The following SPAG17 variants were observed in gnomAD, a reference collection of about 807,000 sequenced individuals.
The protein encoded by SPAG17 is sperm associated antigen 17, also known as sperm-associated antigen 17.
In SPAG17, 169 loss-of-function variants were observed where a neutral mutation model predicts 273.6. The observed-to-expected ratio is 0.62, with a 90% confidence interval of 0.55 to 0.70. SPAG17 has a LOEUF of 0.70. SPAG17 is among the 30% of genes least tolerant of loss of function. The pLI is 0.00. For synonymous variants in SPAG17, 825 were observed against 873.2 expected, an observed-to-expected ratio of 0.94 and a Z score of 0.97; for missense variants, 2,557 against 2,627.8, an observed-to-expected ratio of 0.97 and a Z score of 0.59.
At chr1:118,076,949 G>A (rs1350945408) in intron 15 of SPAG17, among the ~76,000 whole-genome samples, 9 of 151,810 alleles carry the variant, frequency 5.9e-5, no homozygotes, top group East Asian at 5.8e-4. Flanking sequence ...TCTAAACCTC[G>A]CGGTTATCAA....
Position 117,981,246 on chromosome 1 carries a change from A to G in SPAG17, c.6004+24T>C, listed in dbSNP as rs140746272. 1.2e-3 allele frequency: 1,841 copies of G among 1,545,488 alleles called. 31 individuals are homozygous for G. In the East Asian group the frequency reaches 0.026, roughly 22 times the overall value. ...ACATAATGTTCAGTTTCAAGAAGCA[A>G]TAAGATAAAAAAGACTGCCATACCT... On this transcript the variant is annotated intron_variant, in intron 43 of 48. Coordinates refer to ENST00000336338, the MANE Select transcript of SPAG17 (RefSeq NM_206996.4).
chr1:118,168,763 TG>T (rs913243952), intron 1 of SPAG17, among the ~76,000 whole-genome samples: 7 of 151,050 alleles, frequency 4.6e-5, no homozygotes, highest in African/African-American at 1.4e-4. Context: ...AAAGCAGGGA[TG>T]TCAGTGAGGG....
At chr1:118,016,521 T>C (rs1353147878) in intron 28 of SPAG17, among the ~76,000 whole-genome samples, 2 of 152,176 alleles carry the variant, frequency 1.3e-5, no homozygotes, top group African/African-American at 4.8e-5. Context: ...ATTTTGGGTT[T>C]TGTATTCTGG....
At chr1:117,990,527 C>T (rs1656960887) in intron 38 of SPAG17, among the ~76,000 whole-genome samples, 1 of 152,136 alleles carries the variant, frequency 6.6e-6, no homozygotes. Flanking sequence ...TGTGGGAGGG[C>T]AGGCTGTTGG....
intron 24 of SPAG17, among the ~76,000 whole-genome samples, chr1:118,035,979 G>A (rs944403221): frequency 2.0e-5 from 3 of 152,164 alleles, no homozygotes; most frequent in Admixed American, 6.5e-5. Context: ...GATCACTTGA[G>A]CACAGGAGTT....
At chr1:118,182,231 C>T (rs1248084529) in intron 1 of SPAG17, among the ~76,000 whole-genome samples, 2 of 151,982 alleles carry the variant, frequency 1.3e-5, no homozygotes, top group Non-Finnish European at 2.9e-5. Context: ...CATGAAGTAC[C>T]TAAAGTAGTC....
chr1:118,064,388 A>G (rs1652712933), intron 18 of SPAG17, among the ~76,000 whole-genome samples: 1 of 151,632 alleles, frequency 6.6e-6, no homozygotes, highest in Non-Finnish European at 1.5e-5. Flanking sequence ...CATATACACC[A>G]TGGAATACTA....
At chr1:118,056,014 T>TATTAA (rs1436090663) in intron 18 of SPAG17, 100 bp from the exon 19 acceptor site, 12 of 941,236 alleles carry the variant, frequency 1.3e-5, no homozygotes, top group Non-Finnish European at 1.9e-5. Flanking sequence ...ATGTCAAAAA[T>TATTAA]ATAATGAGTT....
chr1:118,115,250 C>T (rs1657004618), intron 4 of SPAG17, 60 bp downstream of exon 4: 2 of 1,589,536 alleles, frequency 1.3e-6, no homozygotes, highest in Non-Finnish European at 1.7e-6. Context: ...CCTGGAGAAA[C>T]CTGGCTCCAT....
intron 1 of SPAG17, among the ~76,000 whole-genome samples, chr1:118,161,042 G>A (rs1390824458): frequency 6.6e-6 from 1 of 152,208 alleles, no homozygotes; most frequent in East Asian, 1.9e-4. Context: ...TAGTCGTGCA[G>A]CTCAACAAGC....
At position 118,023,403 on chromosome 1, in the gene SPAG17, AAGG is replaced by A. The variant is rs1232046461; in HGVS notation, c.3967_3969del (p.Pro1323del). On this transcript the variant is annotated inframe_deletion, in exon 28 of 49. Transcript: ENST00000336338. Reference sequence around the variant, plus strand: ...CTGTGAGGCGTTGCTGGCATTTCAGAAGGAGGACAAATAAGACCTGAATTGGGA... The same window carrying A: ...CTGTGAGGCGTTGCTGGCATTTCAGAAGGACAAATAAGACCTGAATTGGGA... 5.0e-6 allele frequency: 8 copies of A among 1,612,396 alleles called. No homozygotes were observed. Among genetic ancestry groups the A allele is most frequent in the Admixed American group, 1.7e-5 (1 of 59,908 alleles).
intron 10 of SPAG17, among the ~76,000 whole-genome samples, chr1:118,088,738 T>C (rs1338572075): frequency 1.3e-5 from 2 of 152,042 alleles, no homozygotes; most frequent in Non-Finnish European, 2.9e-5. Context: ...AAAACTTCAA[T>C]AGCAGACTGG....
intron 25 of SPAG17, among the ~76,000 whole-genome samples, chr1:118,031,169 G>A (rs1490740520): frequency 2.7e-5 from 4 of 147,684 alleles, no homozygotes; most frequent in African/African-American, 1.0e-4. Context: ...GGTAATAGGA[G>A]GACTACTCTT....
intron 5 of SPAG17, among the ~76,000 whole-genome samples, chr1:118,100,165 G>A (rs1655972384): frequency 6.6e-6 from 1 of 152,164 alleles, no homozygotes; most frequent in Non-Finnish European, 1.5e-5. Context: ...CTTTACTCCT[G>A]AATTAGAAAT....
At chr1:118,042,991 AT>A (rs1303576918) in intron 20 of SPAG17, among the ~76,000 whole-genome samples, 1 of 152,252 alleles carries the variant, frequency 6.6e-6, no homozygotes, top group Non-Finnish European at 1.5e-5. Flanking sequence ...ACAAATGAAA[AT>A]CACAAAACAT....
chr1:118,053,603 A>T (rs1181490274), intron 20 of SPAG17, among the ~76,000 whole-genome samples: 1 of 152,030 alleles, frequency 6.6e-6, no homozygotes. Flanking sequence ...ATACTATATA[A>T]AAATACATTT....
At chr1:118,065,856 C>T (rs1305952517) in intron 18 of SPAG17, among the ~76,000 whole-genome samples, 9 of 151,694 alleles carry the variant, frequency 5.9e-5, no homozygotes, top group African/African-American at 4.8e-5. Context: ...GTTGAATATT[C>T]GAAACATTGC....
rs1407234245 is a variant in SPAG17, at chr1:117,988,187, CAGTT to C, written c.5535_5538del (p.Thr1846IlefsTer40). The C allele has an allele frequency of 6.3e-7, 1 of 1,597,984 alleles. No homozygotes were observed. Among genetic ancestry groups the C allele is most frequent in the Non-Finnish European group, 8.5e-7 (1 of 1,175,748 alleles). ...GTAGCCAAAGACTGCTTGAATAAAT[CAGTT>C]AGGTGAGCTGCAACTTTAAACATAG... On this transcript the variant is annotated frameshift_variant, in exon 39 of 49. Transcript: ENST00000336338. LOFTEE classifies it high-confidence loss of function.
rs5777341 is a variant in SPAG17 at position 118,165,645 on chromosome 1, C to CTTT, written c.88-14279_88-14277dup. ...TGTAAATTAAAAAAAAAAAAACTTTCTTTTTTTTTTTTTTTTTTGAGACGG... is the reference window on the plus strand; with the variant it reads ...TGTAAATTAAAAAAAAAAAAACTTTCTTTTTTTTTTTTTTTTTTTTTGAGACGG... On this transcript the variant is annotated intron_variant, in intron 1 of 48. Transcript: ENST00000336338. Among the ~76,000 whole-genome samples the CTTT allele has an allele frequency of 2.3e-3, 244 of 108,336 alleles. 14 individuals carry two copies. Among genetic ancestry groups the CTTT allele is most frequent in the African/African-American group, 7.1e-3 (195 of 27,552 alleles). 71.1% of individuals were successfully genotyped at this position (108,336 alleles called of 152,430 possible). A position where few individuals can be genotyped will look rare whatever the true frequency, so the allele number is the denominator to read the frequency against.
Sources: allele counts gnomAD v4.1 joint callset (sites outside exome capture counted in the v4.1 genomes callset), GRCh38; gene constraint gnomAD v4.1.1; transcripts MANE v1.5; gene names NCBI Gene and HGNC (gene_info 2026-07-23, HGNC 2026-07-21).